The following CXCL13 variants were observed in gnomAD, a reference collection of about 807,000 sequenced individuals.
The protein encoded by CXCL13 is C-X-C motif chemokine ligand 13, also known as C-X-C motif chemokine 13.
Under a neutral mutation model 12.2 loss-of-function variants are expected in CXCL13, and 7 were observed. That is an observed-to-expected ratio of 0.57 (90% CI 0.33 to 1.07). The LOEUF is 1.07. Ranked by LOEUF, CXCL13 falls within the 50% of genes least tolerant of loss-of-function variation. The probability of loss-of-function intolerance (pLI) is 0.04; values close to 1 mark genes in which losing one functional copy is unlikely to be tolerated. For synonymous variants in CXCL13, 47 were observed against 42.4 expected, an observed-to-expected ratio of 1.11 and a Z score of -0.42; for missense variants, 113 against 127.4, an observed-to-expected ratio of 0.89 and a Z score of 0.55.
At chr4:77,568,952 T>G (rs1423880946) in intron 1 of CXCL13, among the ~76,000 whole-genome samples, 1 of 152,236 alleles carries the variant, frequency 6.6e-6, no homozygotes, top group Non-Finnish European at 1.5e-5. Context: ...GGAAAATAGC[T>G]GGGTTCTTGA....
At chr4:77,534,264 A>G (rs774891745) in intron 1 of CXCL13, among the ~76,000 whole-genome samples, 1 of 151,630 alleles carries the variant, frequency 6.6e-6, no homozygotes. Flanking sequence ...ATCCCACATG[A>G]ACACTATGTT....
At chr4:77,524,388 C>G (rs1724708014) in intron 1 of CXCL13, among the ~76,000 whole-genome samples, 1 of 152,204 alleles carries the variant, frequency 6.6e-6, no homozygotes, top group Non-Finnish European at 1.5e-5. Flanking sequence ...GGGCTCCACC[C>G]AGGTCGAGCT....
intron 1 of CXCL13, among the ~76,000 whole-genome samples, chr4:77,570,141 C>T (rs1726033843): frequency 6.6e-6 from 1 of 152,192 alleles, no homozygotes; most frequent in South Asian, 2.1e-4. Flanking sequence ...GGATTAAAGA[C>T]TTCAATGTAA....
At chr4:77,600,541 A>G (rs1375292124) in intron 1 of CXCL13, among the ~76,000 whole-genome samples, 2 of 152,250 alleles carry the variant, frequency 1.3e-5, no homozygotes, top group African/African-American at 4.8e-5. Flanking sequence ...TACATGACAT[A>G]TGATTATATA....
At chr4:77,529,943 A>G (rs1011437618) in intron 1 of CXCL13, among the ~76,000 whole-genome samples, 22 of 152,344 alleles carry the variant, frequency 1.4e-4, no homozygotes, top group African/African-American at 4.6e-4. Context: ...ATTTTGAGAT[A>G]CGCTCCATCA....
At chr4:77,566,012 C>T (rs1725918243) in intron 1 of CXCL13, among the ~76,000 whole-genome samples, 1 of 152,230 alleles carries the variant, frequency 6.6e-6, no homozygotes. Context: ...CTTGAGGCCT[C>T]TCTCATCTCA....
Position 77,526,184 on chromosome 4 carries a change from T to C in CXCL13, c.-43+14396T>C, listed in dbSNP as rs181991924. ...CATAAAATTGTTCCTAGGCAGCTTATTTTATTTTTTGGTTAATCAAATAAA... is the reference window on the plus strand; with the variant it reads ...CATAAAATTGTTCCTAGGCAGCTTACTTTATTTTTTGGTTAATCAAATAAA... On this transcript the variant is annotated intron_variant, in intron 1 of 4. Transcript: ENST00000286758. Among the ~76,000 whole-genome samples, 503 of 152,250 alleles carry C rather than the reference T, an allele frequency of 3.3e-3. 2 individuals carry two copies. The highest frequency in any genetic ancestry group is 2.7e-3 in the Non-Finnish European group (182 of 68,002).
intron 2 of CXCL13, among the ~76,000 whole-genome samples, chr4:77,609,987 C>T (rs185866334): frequency 6.6e-4 from 101 of 152,310 alleles, no homozygotes; most frequent in African/African-American, 2.3e-3. Context: ...ATGTTACCTG[C>T]TAAGCATAGT....
At chr4:77,593,354 C>A (rs988400431) in intron 1 of CXCL13, among the ~76,000 whole-genome samples, 2 of 152,196 alleles carry the variant, frequency 1.3e-5, no homozygotes, top group Non-Finnish European at 2.9e-5. Flanking sequence ...ATAATCATTG[C>A]ATCACATCAT....
At chr4:77,517,628 G>A (rs998246519) in intron 1 of CXCL13, among the ~76,000 whole-genome samples, 3 of 152,006 alleles carry the variant, frequency 2.0e-5, no homozygotes, top group Non-Finnish European at 4.4e-5. Context: ...TAGGATTGCA[G>A]CCCCTGCCTT....
intron 1 of CXCL13, among the ~76,000 whole-genome samples, chr4:77,589,231 T>A (rs1238329425): frequency 6.6e-6 from 1 of 152,198 alleles, no homozygotes; most frequent in Non-Finnish European, 1.5e-5. Flanking sequence ...TTTTAAATTG[T>A]GCACTGTTCT....
intron 1 of CXCL13, among the ~76,000 whole-genome samples, chr4:77,537,427 G>A (rs1725086232): frequency 1.3e-5 from 2 of 152,188 alleles, no homozygotes; most frequent in Non-Finnish European, 2.9e-5. Context: ...CCCTATTGGG[G>A]AAACCTAAAG....
intron 1 of CXCL13, among the ~76,000 whole-genome samples, chr4:77,556,358 C>A (rs1027304459): frequency 5.3e-5 from 8 of 152,088 alleles, no homozygotes; most frequent in African/African-American, 1.7e-4. Flanking sequence ...ATACATGCTG[C>A]ATAATTCCTT....
chr4:77,529,894 A>G (rs1353884994), intron 1 of CXCL13, among the ~76,000 whole-genome samples: 1 of 152,158 alleles, frequency 6.6e-6, no homozygotes, highest in Non-Finnish European at 1.5e-5. Context: ...CCCATTCAGT[A>G]TGATATTGGT....
chr4:77,517,656 C>T (rs1200214132), intron 1 of CXCL13, among the ~76,000 whole-genome samples: 5 of 152,100 alleles, frequency 3.3e-5, no homozygotes, highest in Non-Finnish European at 5.9e-5. Flanking sequence ...TTTCCATTTG[C>T]TTGGTAGATC....
chr4:77,577,896 C>T (rs1418521868), intron 1 of CXCL13, among the ~76,000 whole-genome samples: 1 of 152,122 alleles, frequency 6.6e-6, no homozygotes, highest in Non-Finnish European at 1.5e-5. Flanking sequence ...CCTGGGACTC[C>T]TTTGAAAAAA....
intron 1 of CXCL13, among the ~76,000 whole-genome samples, chr4:77,599,175 A>C (rs1726837467): frequency 6.6e-6 from 1 of 152,158 alleles, no homozygotes; most frequent in African/African-American, 2.4e-5. Flanking sequence ...AGGAAAAAAA[A>C]CATTAACAAT....
At chr4:77,553,222 G>A (rs1725576954) in intron 1 of CXCL13, among the ~76,000 whole-genome samples, 1 of 152,156 alleles carries the variant, frequency 6.6e-6, no homozygotes, top group Non-Finnish European at 1.5e-5. Context: ...GGTCTGTGAT[G>A]GGGGAGAGCA....
intron 1 of CXCL13, among the ~76,000 whole-genome samples, chr4:77,519,105 T>C (rs1724506267): frequency 6.6e-6 from 1 of 152,154 alleles, no homozygotes. Context: ...TGCAGAGCAG[T>C]GGTTTTTTGT....
Sources: allele counts gnomAD v4.1 joint callset (sites outside exome capture counted in the v4.1 genomes callset), GRCh38; gene constraint gnomAD v4.1.1; transcripts MANE v1.5; gene names NCBI Gene and HGNC (gene_info 2026-07-23, HGNC 2026-07-21).